The following GSG1L variants were observed in gnomAD, a reference collection of about 807,000 sequenced individuals.
GSG1L encodes the protein GSG1 like.
A neutral mutation model predicts 42.1 loss-of-function variants in GSG1L; 24 were observed. That is an observed-to-expected ratio of 0.57 (90% confidence interval 0.41 to 0.80). The LOEUF (loss-of-function observed/expected upper bound fraction) is 0.80, where lower values mean the gene tolerates loss of function less well. Ranked by LOEUF, GSG1L falls within the 30% of genes least tolerant of loss-of-function variation. The pLI, the probability that GSG1L is intolerant of heterozygous loss-of-function variation, is 0.00. For missense variants in GSG1L, 445 were observed against 472.2 expected (o/e 0.94, Z 0.53); for synonymous variants, 215 against 203.5 (o/e 1.06, Z -0.48).
chr16:27,854,121 C>T (rs1285592086), intron 3 of GSG1L, among the ~76,000 whole-genome samples: 1 of 151,448 alleles, frequency 6.6e-6, no homozygotes, highest in Non-Finnish European at 1.5e-5. Context: ...GTTTCTCTTC[C>T]CCTTCCACCT....
intron 5 of GSG1L, among the ~76,000 whole-genome samples, chr16:27,811,213 T>C (rs1176211858): frequency 1.3e-5 from 2 of 152,214 alleles, no homozygotes; most frequent in Non-Finnish European, 2.9e-5. Flanking sequence ...TTGAAACTGA[T>C]TTTCTTTTTA....
chr16:27,996,107 C>T (rs2085512086), intron 1 of GSG1L, among the ~76,000 whole-genome samples: 1 of 149,904 alleles, frequency 6.7e-6, no homozygotes, highest in Non-Finnish European at 1.5e-5. Flanking sequence ...AAACAGCGCC[C>T]TCTCTCTCTC....
At chr16:27,844,692 T>TA (rs1411669394) in intron 4 of GSG1L, among the ~76,000 whole-genome samples, 4 of 152,208 alleles carry the variant, frequency 2.6e-5, no homozygotes, top group Admixed American at 2.6e-4. Flanking sequence ...TTTATTTTCT[T>TA]AGCAGTTAAA....
At chr16:27,979,784 A>AAGAAAGAAAGAAGG in intron 1 of GSG1L, among the ~76,000 whole-genome samples, 1 of 139,156 alleles carries the variant, frequency 7.2e-6, no homozygotes, top group African/African-American at 2.7e-5. Flanking sequence ...GAAAGAAAGA[A>AAGAAAGAAAGAAGG]AAAGAAAGAA....
At chr16:27,817,546 G>A (rs546927480) in intron 5 of GSG1L, among the ~76,000 whole-genome samples, 22 of 151,880 alleles carry the variant, frequency 1.4e-4, no homozygotes, top group Admixed American at 8.5e-4. Context: ...CCTGGAGTGC[G>A]GTGGAGCAAT....
intron 2 of GSG1L, among the ~76,000 whole-genome samples, chr16:27,889,891 A>G (rs1443258672): frequency 6.6e-6 from 1 of 152,180 alleles, no homozygotes; most frequent in African/African-American, 2.4e-5. Context: ...ATATCCCCGA[A>G]TCTTCCTAAC....
intron 6 of GSG1L, among the ~76,000 whole-genome samples, chr16:27,799,651 G>A (rs1032611144): frequency 2.0e-5 from 3 of 152,150 alleles, no homozygotes; most frequent in Non-Finnish European, 2.9e-5. Flanking sequence ...AGGGGAAGGC[G>A]AGAGAAGGCC....
chr16:28,025,837 C>G (rs2085895191), intron 1 of GSG1L, among the ~76,000 whole-genome samples: 1 of 152,154 alleles, frequency 6.6e-6, no homozygotes, highest in Admixed American at 6.5e-5. Context: ...CTGATGGCCC[C>G]AGGGACTGCA....
chr16:27,946,920 A>G (rs2084879706), intron 2 of GSG1L, among the ~76,000 whole-genome samples: 1 of 152,204 alleles, frequency 6.6e-6, no homozygotes, highest in Non-Finnish European at 1.5e-5. Flanking sequence ...CACATGGATC[A>G]TCCCACTTGA....
chr16:27,924,856 G>C (rs1433187080), intron 2 of GSG1L, among the ~76,000 whole-genome samples: 5 of 152,144 alleles, frequency 3.3e-5, no homozygotes, highest in Non-Finnish European at 7.4e-5. Context: ...GTCATAATAT[G>C]ACTGCAACTA....
chr16:27,967,608 A>G (rs1194311246), intron 1 of GSG1L, among the ~76,000 whole-genome samples: 1 of 152,234 alleles, frequency 6.6e-6, no homozygotes, highest in Non-Finnish European at 1.5e-5. Flanking sequence ...GCTGACAGCC[A>G]AGAACTAGAA....
intron 3 of GSG1L, among the ~76,000 whole-genome samples, chr16:27,852,366 G>A (rs184726016): frequency 6.6e-5 from 10 of 152,042 alleles, no homozygotes; most frequent in Admixed American, 3.3e-4. Context: ...GTGGTCAAGC[G>A]GCCTGTCCTC....
intron 4 of GSG1L, among the ~76,000 whole-genome samples, chr16:27,838,067 T>A (rs536471737): frequency 6.6e-6 from 1 of 152,326 alleles, no homozygotes; most frequent in African/African-American, 2.4e-5. Context: ...GTCTACTCTG[T>A]CTTCTCAGAA....
intron 2 of GSG1L, among the ~76,000 whole-genome samples, chr16:27,893,496 C>T (rs375651245): frequency 3.9e-5 from 6 of 152,102 alleles, no homozygotes; most frequent in African/African-American, 9.7e-5. Context: ...CACACAAGCC[C>T]GACATTTGGA....
chr16:28,016,722 C>T (rs1358885773), intron 1 of GSG1L, among the ~76,000 whole-genome samples: 5 of 152,196 alleles, frequency 3.3e-5, no homozygotes, highest in South Asian at 2.1e-4. Context: ...TACTGCATGT[C>T]GGCATTGTGC....
chr16:28,032,176 C>G (rs398889), intron 1 of GSG1L, among the ~76,000 whole-genome samples: 1 of 152,052 alleles, frequency 6.6e-6, no homozygotes, highest in Non-Finnish European at 1.5e-5. Flanking sequence ...TGGAGATGCA[C>G]GAACATGATG....
chr16:27,809,286 C>A (rs532051921), intron 5 of GSG1L, among the ~76,000 whole-genome samples: 2 of 152,230 alleles, frequency 1.3e-5, no homozygotes, highest in African/African-American at 4.8e-5. Flanking sequence ...GCTTCTAGTC[C>A]CAGCCACTCA....
At chr16:28,052,837 T>C (rs542982100) in intron 1 of GSG1L, among the ~76,000 whole-genome samples, 1 of 152,356 alleles carries the variant, frequency 6.6e-6, no homozygotes, top group East Asian at 1.9e-4. Flanking sequence ...GAGATCCCCA[T>C]GTGGAGAGAT....
chr16:28,003,963 G>A (rs1408132782), intron 1 of GSG1L, among the ~76,000 whole-genome samples: 1 of 152,242 alleles, frequency 6.6e-6, no homozygotes, highest in African/African-American at 2.4e-5. Context: ...AGCAGAAAAA[G>A]AAGAGTCAGT....
Sources: gnomAD v4.1 joint callset for allele counts (sites outside exome capture counted in the v4.1 genomes callset) on GRCh38, gnomAD v4.1.1 for gene constraint, MANE v1.5 for transcripts, NCBI Gene and HGNC (gene_info 2026-07-23, HGNC 2026-07-21) for gene names.